Variants in ARHGAP42 observed in about 807,000 individuals in gnomAD.
The protein encoded by ARHGAP42 is Rho GTPase activating protein 42.
In ARHGAP42, 63 loss-of-function variants were observed where a neutral mutation model predicts 125.0. That is an observed-to-expected ratio of 0.50 (90% CI 0.41 to 0.62). The LOEUF (loss-of-function observed/expected upper bound fraction) is 0.62, where lower values mean the gene tolerates loss of function less well. Among genes scored for constraint, ARHGAP42 ranks in the 20% least tolerant of loss-of-function variants. The pLI, the probability that ARHGAP42 is intolerant of heterozygous loss-of-function variation, is 0.00. For synonymous variants in ARHGAP42, 339 were observed against 351.0 expected (o/e 0.97, Z 0.38); for missense variants, 766 against 1,024.2 (o/e 0.75, Z 3.44).
intron 1 of ARHGAP42, among the ~76,000 whole-genome samples, chr11:100,717,986 A>C (rs1292524790): frequency 8.6e-5 from 13 of 152,032 alleles, no homozygotes. Flanking sequence ...CTGTTTAATG[A>C]AACTTGTTTC....
At chr11:100,837,684 T>A (rs940791433) in intron 3 of ARHGAP42, among the ~76,000 whole-genome samples, 58 of 138,446 alleles carry the variant, frequency 4.2e-4, no homozygotes, top group East Asian at 2.1e-3. Flanking sequence ...TTTTTTTTTT[T>A]TTTTTTTTTT....
intron 8 of ARHGAP42, among the ~76,000 whole-genome samples, chr11:100,941,567 C>A (rs535518): frequency 0.88 from 134,198 of 152,096 alleles, 59,292 homozygotes; most frequent in East Asian, 1. Context: ...TTTACAAAGT[C>A]GGTGTCAGAG....
intron 1 of ARHGAP42, among the ~76,000 whole-genome samples, chr11:100,708,857 T>C (rs1377808256): frequency 2.6e-5 from 4 of 152,202 alleles, no homozygotes; most frequent in Non-Finnish European, 5.9e-5. Context: ...TATATTGCTA[T>C]AATAAAGTTT....
intron 1 of ARHGAP42, among the ~76,000 whole-genome samples, chr11:100,709,053 T>TCACCC (rs1433341866): frequency 3.4e-4 from 52 of 151,950 alleles, no homozygotes; most frequent in African/African-American, 1.1e-3. Context: ...TCTTTTTGTT[T>TCACCC]TTTTGAGATG....
Position 100,992,817 on chromosome 11 carries a change from C to T in ARHGAP42, c.*4016C>T, listed in dbSNP as rs1858875583. Reference sequence around the variant, plus strand: ...AATGTTGACAACATTCACAGTAAGCCATTGGCAGAAAATTGATCTGCATGT... The same window carrying T: ...AATGTTGACAACATTCACAGTAAGCTATTGGCAGAAAATTGATCTGCATGT... On this transcript the variant is annotated 3_prime_UTR_variant, in exon 24 of 24. Coordinates refer to ENST00000298815, the MANE Select transcript of ARHGAP42 (RefSeq NM_152432.4). 2 of 1,235,838 alleles carry T rather than the reference C, an allele frequency of 1.6e-6. No individual in the cohort carries two copies. 76.6% of individuals were successfully genotyped at this position (1,235,838 alleles called of 1,614,324 possible).
chr11:100,807,037 G>A (rs1484166106), intron 3 of ARHGAP42, among the ~76,000 whole-genome samples: 14 of 151,848 alleles, frequency 9.2e-5, no homozygotes, highest in African/African-American at 2.9e-4. Flanking sequence ...TAATAGAGAC[G>A]GGGTTTCACC....
At chr11:100,694,665 T>C (rs980927021) in intron 1 of ARHGAP42, among the ~76,000 whole-genome samples, 1 of 152,186 alleles carries the variant, frequency 6.6e-6, no homozygotes, top group African/African-American at 2.4e-5. Context: ...ATCCTTATAG[T>C]ATAGCTCCAG....
intron 6 of ARHGAP42, 51 bp downstream of exon 6, chr11:100,921,655 A>G (rs1867273080): frequency 1.8e-6 from 2 of 1,104,324 alleles, no homozygotes; most frequent in East Asian, 2.7e-5. Flanking sequence ...ATCTATGGAA[A>G]AAAAGTACAC....
At chr11:100,698,701 A>T (rs1471245961) in intron 1 of ARHGAP42, among the ~76,000 whole-genome samples, 2 of 152,100 alleles carry the variant, frequency 1.3e-5, no homozygotes, top group African/African-American at 2.4e-5. Flanking sequence ...GGTCATTTTT[A>T]AAAAATTTAT....
chr11:100,760,042 T>C (rs1862666758), intron 1 of ARHGAP42, among the ~76,000 whole-genome samples: 1 of 152,218 alleles, frequency 6.6e-6, no homozygotes, highest in Non-Finnish European at 1.5e-5. Flanking sequence ...GGTACGTTAA[T>C]AGGACTGAAA....
In ARHGAP42 at chr11:100,770,335, A is replaced by C. The variant is rs1862943057; in HGVS notation, c.155-8A>C. On this transcript the variant is annotated splice_region_variant and splice_polypyrimidine_tract_variant and intron_variant, in intron 1 of 23. Transcript: ENST00000298815. The stretch of plus-strand genomic sequence containing the variant: ...CTTATGGATTTTTTGCTTAACTTTT[A>C]CTTGCAGATCTGTCTATGGCAGTGC... 6.5e-7 allele frequency: 1 copy of C among 1,532,884 alleles called. No individual in the cohort carries two copies. Among genetic ancestry groups the C allele is most frequent in the African/African-American group, 1.4e-5 (1 of 72,480 alleles). 95.0% of individuals were successfully genotyped at this position (1,532,884 alleles called of 1,614,324 possible).
intron 1 of ARHGAP42, among the ~76,000 whole-genome samples, chr11:100,712,222 G>A (rs1233336986): frequency 6.6e-6 from 1 of 152,130 alleles, no homozygotes; most frequent in Non-Finnish European, 1.5e-5. Context: ...CTGCAGTATT[G>A]CATGCAGTTT....
chr11:100,907,219 C>T (rs1477849385), intron 4 of ARHGAP42, among the ~76,000 whole-genome samples: 3 of 152,196 alleles, frequency 2.0e-5, no homozygotes, highest in African/African-American at 7.2e-5. Flanking sequence ...ATTTGTTTGT[C>T]TCCAATAATG....
intron 1 of ARHGAP42, among the ~76,000 whole-genome samples, chr11:100,762,590 G>A (rs7125452): frequency 0.54 from 81,859 of 152,046 alleles, 22,531 homozygotes; most frequent in African/African-American, 0.67. Flanking sequence ...AATATCAGAT[G>A]ACTGCTATTT....
At position 100,950,074 on chromosome 11, in the gene ARHGAP42, G is replaced by A; in HGVS notation, c.1162+118G>A. ...ATAACACCATTGATCTCATGGTACAGCAACTTTGAAATTTTTATTTAAAAT... is the reference window on the plus strand; with the variant it reads ...ATAACACCATTGATCTCATGGTACAACAACTTTGAAATTTTTATTTAAAAT... On this transcript the variant is annotated intron_variant, in intron 12 of 23. Transcript: ENST00000298815. 4 of 458,500 alleles carry A rather than the reference G, an allele frequency of 8.7e-6. No homozygotes were observed. The East Asian group carries it at 1.5e-4, about 17-fold the overall frequency. The allele number at this position is 458,500 out of a possible 1,614,324, so 28.4% of individuals were successfully genotyped here.
intron 4 of ARHGAP42, among the ~76,000 whole-genome samples, chr11:100,912,130 T>A (rs1238143777): frequency 6.6e-6 from 1 of 152,100 alleles, no homozygotes; most frequent in African/African-American, 2.4e-5. Flanking sequence ...GGATCAAAAT[T>A]ACATTTCCTA....
chr11:100,979,295 A>T (rs575149795), intron 22 of ARHGAP42, among the ~76,000 whole-genome samples: 15 of 152,344 alleles, frequency 9.8e-5, no homozygotes, highest in African/African-American at 3.6e-4. Context: ...TTCCTAGAAG[A>T]TAAAAATTGC....
intron 10 of ARHGAP42, among the ~76,000 whole-genome samples, chr11:100,944,512 G>GA (rs1867965115): frequency 6.6e-6 from 1 of 151,994 alleles, no homozygotes; most frequent in African/African-American, 2.4e-5. Flanking sequence ...GTGTATCCAT[G>GA]TATACCCTTT....
intron 18 of ARHGAP42, among the ~76,000 whole-genome samples, 188 bp downstream of exon 18, chr11:100,973,522 A>G (rs1301535618): frequency 6.6e-6 from 1 of 152,158 alleles, no homozygotes; most frequent in Non-Finnish European, 1.5e-5. Flanking sequence ...TTCCTTCTAC[A>G]TAATAGACTT....
Sources: gnomAD v4.1 joint callset for allele counts (sites outside exome capture counted in the v4.1 genomes callset) on GRCh38, gnomAD v4.1.1 for gene constraint, MANE v1.5 for transcripts, NCBI Gene and HGNC (gene_info 2026-07-23, HGNC 2026-07-21) for gene names.